Variants in CHD5 observed in about 807,000 individuals in gnomAD.
CHD5 encodes chromodomain helicase DNA binding protein 5, also known as ATP-dependent chromatin remodeler CHD5.
Under a neutral mutation model 230.3 loss-of-function variants are expected in CHD5, and 69 were observed. That is an observed-to-expected ratio of 0.30 (90% CI 0.25 to 0.37). The LOEUF (loss-of-function observed/expected upper bound fraction) is 0.37. Among genes scored for constraint, CHD5 ranks in the 10% least tolerant of loss-of-function variants. CHD5 has a pLI of 1.00. For missense variants in CHD5, 1,827 were observed against 2,622.8 expected (o/e 0.70, Z 6.63); for synonymous variants, 1,064 against 1,065.9 (o/e 1.00, Z 0.03).
At chr1:6,118,299 AC>A (rs1666408662) in intron 33 of CHD5, among the ~76,000 whole-genome samples, 1 of 148,954 alleles carries the variant, frequency 6.7e-6, no homozygotes, top group Non-Finnish European at 1.5e-5. Context: ...GATCGCTTGC[AC>A]CCAGGGGGTC....
chr1:6,124,228 C>T, intron 30 of CHD5, 121 bp from the exon 31 acceptor site: 1 of 971,972 alleles, frequency 1.0e-6, no homozygotes, highest in Non-Finnish European at 1.5e-6. Flanking sequence ...TAGCTGCTAC[C>T]TCCGCCCAAG....
intron 37 of CHD5, 78 bp from the exon 38 acceptor site, chr1:6,110,068 G>A: frequency 2.3e-6 from 3 of 1,295,580 alleles, no homozygotes; most frequent in Non-Finnish European, 3.1e-6. Context: ...GCCCACCCCA[G>A]GCCAAGGCTC....
chr1:6,130,354 G>C lies in CHD5; in HGVS notation c.3263-26C>G. The C allele has an allele frequency of 6.2e-7, 1 of 1,611,472 alleles. No homozygotes were observed. Among genetic ancestry groups the C allele is most frequent in the Non-Finnish European group, 8.5e-7 (1 of 1,179,018 alleles). On this transcript the variant is annotated intron_variant, in intron 21 of 41. Transcript: ENST00000262450. This position sits in a 1 kb window ranked among gnomAD's most constrained non-coding sequence, Gnocchi z 4.9. ...CTGAAAAAGAGAGGCCAGCAGATGG[G>C]AGTGTTTGGGGGGGTACACCTTGGG...
chr1:6,134,243 G>A lies in CHD5; in HGVS notation c.3029C>T (p.Pro1010Leu), dbSNP rs1666703242. 1 of 1,613,294 alleles carries A rather than the reference G, an allele frequency of 6.2e-7. No individual in the cohort carries two copies. Among genetic ancestry groups the A allele is most frequent in the Non-Finnish European group, 8.5e-7 (1 of 1,180,002 alleles). ...GGAGCTTCCATCGTAGGAGCCATTG[G>A]GCAAGACAGGGGCCTCCTGCAGACA... ...PVAAVEAPVL[P>L]NGSYDGSSLV... The change falls in exon 20 of 42, where the codon CCC (proline) becomes CTC (leucine). Residue 1010 changes from proline (P) to leucine (L), a missense_variant. Around this residue, in one of 14 missense-constraint regions of CHD5, gnomAD observed 38 missense variants for 49.5 expected, o/e 0.77. Coordinates refer to ENST00000262450, the MANE Select transcript of CHD5 (RefSeq NM_015557.3). The surrounding 1 kb of genome is among the most constrained non-coding windows in gnomAD (Gnocchi z 6.3).
Position 6,134,807 on chromosome 1 carries a change from C to T in CHD5, c.2923G>A (p.Gly975Arg). 6.2e-7 allele frequency: 1 copy of T among 1,614,128 alleles called. No homozygotes were observed. ...AGCAGCGATACTTGGTTCCCGCCCC[C>T]CTTGGAGTTCAGTGCCTCAAAGTTC... ...TRNFEALNSKGGGNQVSLLNI... is the reference protein window; with the variant it reads ...TRNFEALNSKRGGNQVSLLNI... Residue 975 changes from glycine (G) to arginine (R), a missense_variant, in exon 19 of 42, where the codon GGG becomes AGG. This residue lies in a region of CHD5 where 16 missense variants were observed against 18.2 expected (regional missense o/e 0.88). Coordinates refer to ENST00000262450, the MANE Select transcript of CHD5 (RefSeq NM_015557.3). The surrounding 1 kb of genome is among the most constrained non-coding windows in gnomAD (Gnocchi z 6.3).
rs1220647587 is a variant in CHD5 at position 6,102,706 on chromosome 1, C to T, written c.*2768G>A. 2.0e-5 allele frequency: 3 copies of T among 152,224 alleles called. No individual in the cohort carries two copies. In the East Asian group the frequency reaches 5.8e-4, roughly 29 times the overall value. 9.4% of individuals were successfully genotyped at this position (152,224 alleles called of 1,614,324 possible). A position where few individuals can be genotyped will look rare whatever the true frequency, so the allele number is the denominator to read the frequency against. Reference sequence around the variant, plus strand: ...ACCCGGGGGACTCTGGGAAGGCAGCCCCCAAAAGCAGGAGGACTTCAATCA... The same window carrying T: ...ACCCGGGGGACTCTGGGAAGGCAGCTCCCAAAAGCAGGAGGACTTCAATCA... On this transcript the variant is annotated 3_prime_UTR_variant, in exon 42 of 42. Transcript: ENST00000262450.
chr1:6,142,714 CCTGT>C lies in CHD5; in HGVS notation c.2044-113_2044-110del, dbSNP rs1355316883. The C allele has an allele frequency of 1.1e-5, 13 of 1,199,736 alleles. No individual in the cohort carries two copies. In the African/African-American group the frequency reaches 1.4e-4, roughly 13 times the overall value. 74.3% of individuals were successfully genotyped at this position (1,199,736 alleles called of 1,614,324 possible). ...TTCTGCCTGGAACACTCTTCCCACT[CCTGT>C]CTGTCTTCCTAACTCTTCTCCAGTT... On this transcript the variant is annotated intron_variant, in intron 13 of 41. Coordinates refer to ENST00000262450, the MANE Select transcript of CHD5 (RefSeq NM_015557.3). The surrounding 1 kb of genome is among the most constrained non-coding windows in gnomAD (Gnocchi z 5.2).
Position 6,110,582 on chromosome 1 carries a change from G to T in CHD5, c.5250-56C>A, listed in dbSNP as rs550319220. ...GCCGTTAGAAGTGGTGGGGCCGTAG[G>T]GGGAGGCAGCTCAGGGAGGGGGAGG... On this transcript the variant is annotated intron_variant, in intron 36 of 41. Transcript: ENST00000262450. 23 of 1,586,144 alleles carry T rather than the reference G, an allele frequency of 1.5e-5. No homozygotes were observed. The South Asian group carries it at 1.9e-4, about 13-fold the overall frequency.
chr1:6,156,646 A>T (rs1210830667), intron 3 of CHD5, among the ~76,000 whole-genome samples: 1 of 151,970 alleles, frequency 6.6e-6, no homozygotes, highest in African/African-American at 2.4e-5. Flanking sequence ...AGGAAAGTGC[A>T]CTCTGCTGGG....
At position 6,121,113 on chromosome 1, in the gene CHD5, A is replaced by C; in HGVS notation, c.4904T>G (p.Leu1635Arg). The C allele has an allele frequency of 6.3e-7, 1 of 1,599,698 alleles. No individual in the cohort carries two copies. The highest frequency in any genetic ancestry group is 8.5e-7 in the Non-Finnish European group (1 of 1,174,192). ...CTGCAAGAAGCCCCAACCTCTCGGC[A>C]GCTGCTCCGGGGAGGGCGGGGCCTT... ...TEKAPPSPEQ[L>R]PREEVLPEKE... The change falls in exon 33 of 42, where the codon CTG becomes CGG. Residue 1635 changes from leucine to arginine, a missense_variant. Physicochemically the swap from Leu to Arg is moderately radical, Grantham distance 102 (BLOSUM62 -2). This residue lies in a region of CHD5 where 272 missense variants were observed against 263.2 expected (regional missense o/e 1.03). Coordinates refer to ENST00000262450, the MANE Select transcript of CHD5 (RefSeq NM_015557.3). The surrounding 1 kb of genome is among the most constrained non-coding windows in gnomAD (Gnocchi z 4.5).
chr1:6,138,244 G>C (rs1666775063), intron 15 of CHD5, among the ~76,000 whole-genome samples: 1 of 152,084 alleles, frequency 6.6e-6, no homozygotes, highest in Non-Finnish European at 1.5e-5. Flanking sequence ...AGGCGTGTTG[G>C]TGGACATCTG....
At position 6,179,947 on chromosome 1, in the gene CHD5, G is replaced by A. The variant is rs1208966523; in HGVS notation, c.77C>T (p.Ser26Leu). The change falls in exon 1 of 42, where the codon TCA becomes TTA. Residue 26 changes from serine to leucine, a missense_variant and splice_region_variant. Ser to Leu is a moderately radical substitution (Grantham distance 145). Coordinates refer to ENST00000262450, the MANE Select transcript of CHD5 (RefSeq NM_015557.3). ...AGGCGCACCCGCGCCCCGCTCACCT[G>A]ACATCTCGTCCTCATTCTCCATCTC... ...AEEMENEDEM[S>L]EEEDGGLEAF... The A allele has an allele frequency of 3.7e-6, 5 of 1,347,888 alleles. No individual in the cohort carries two copies. Among genetic ancestry groups the A allele is most frequent in the South Asian group, 1.3e-5 (1 of 74,774 alleles). 83.5% of individuals were successfully genotyped at this position (1,347,888 alleles called of 1,614,324 possible).
intron 15 of CHD5, among the ~76,000 whole-genome samples, chr1:6,138,179 C>T (rs1666774194): frequency 6.6e-6 from 1 of 152,200 alleles, no homozygotes. Flanking sequence ...AGTTGGAGAC[C>T]AGCCTGGCCA....
chr1:6,158,879 C>T lies in CHD5; in HGVS notation c.387+457G>A, dbSNP rs1013830388. 2.2e-3 allele frequency among the ~76,000 whole-genome samples: 321 copies of T among 148,190 alleles called. 1 individual carries two copies. Among genetic ancestry groups the T allele is most frequent in the Middle Eastern group, 0.014 (4 of 288 alleles). On this transcript the variant is annotated intron_variant, in intron 3 of 41. Coordinates refer to ENST00000262450, the MANE Select transcript of CHD5 (RefSeq NM_015557.3). ...AAAATTAGCCGGGCGTAGTGGCGGGCGCCTGTAGTCCCAGCTACTTGGGAG... is the reference window on the plus strand; with the variant it reads ...AAAATTAGCCGGGCGTAGTGGCGGGTGCCTGTAGTCCCAGCTACTTGGGAG...
intron 1 of CHD5, among the ~76,000 whole-genome samples, chr1:6,171,293 C>G (rs757545199): frequency 1.3e-5 from 2 of 152,186 alleles, no homozygotes; most frequent in African/African-American, 2.4e-5. Flanking sequence ...CCCAGACCCT[C>G]TGCCCATGGA....
chr1:6,160,427 A>G (rs57747651), intron 2 of CHD5, among the ~76,000 whole-genome samples: 2 of 130,404 alleles, frequency 1.5e-5, no homozygotes, highest in African/African-American at 6.4e-5. Context: ...CCCCAGCCAG[A>G]GAAGGAGAGC....
In CHD5 at chr1:6,111,977, C is replaced by T. The variant is rs914911975; in HGVS notation, c.5141-94G>A. The T allele has an allele frequency of 2.2e-6, 3 of 1,381,664 alleles. No individual in the cohort carries two copies. In the African/African-American group the frequency reaches 4.3e-5, roughly 20 times the overall value. 85.6% of individuals were successfully genotyped at this position (1,381,664 alleles called of 1,614,324 possible). On this transcript the variant is annotated intron_variant, in intron 35 of 41. Transcript: ENST00000262450. ...GCCGCTCCCTCCCTACTTGCCACTG[C>T]CTCCACCCCCAGAGGTCCAGTGTTC...
chr1:6,145,971 T>C (rs781238407), intron 11 of CHD5, among the ~76,000 whole-genome samples: 1 of 152,128 alleles, frequency 6.6e-6, no homozygotes, highest in Non-Finnish European at 1.5e-5. Flanking sequence ...CCCAGGGGTG[T>C]GAACACGTAT....
intron 33 of CHD5, among the ~76,000 whole-genome samples, chr1:6,117,634 A>G (rs1666397761): frequency 6.6e-6 from 1 of 152,266 alleles, no homozygotes; most frequent in African/African-American, 2.4e-5. Context: ...AGGATCTGAA[A>G]GGACATTTCT....
Sources: gnomAD v4.1 joint callset for allele counts (sites outside exome capture counted in the v4.1 genomes callset) on GRCh38, gnomAD v4.1.1 for gene constraint, gnomAD v4.1.1 regional missense constraint, Gnocchi (gnomAD v3.1) non-coding constraint, MANE v1.5 for transcripts, NCBI Gene and HGNC (gene_info 2026-07-23, HGNC 2026-07-21) for gene names.